Variants in ADARB2 observed in about 807,000 individuals in gnomAD.
The protein encoded by ADARB2 is inactive double-stranded RNA-specific editase B2.
ADARB2 carries 25 observed loss-of-function variants against 62.2 expected under a neutral mutation model. That is an observed-to-expected ratio of 0.40 (90% CI 0.29 to 0.56). The LOEUF is 0.56. Ranked by LOEUF, ADARB2 falls within the 20% of genes least tolerant of loss-of-function variation. The probability of loss-of-function intolerance (pLI) is 0.43; values close to 1 mark genes in which losing one functional copy is unlikely to be tolerated. For missense variants in ADARB2, 1,071 were observed against 1,077.4 expected, an observed-to-expected ratio of 0.99 and a Z score of 0.08; for synonymous variants, 572 against 500.8, an observed-to-expected ratio of 1.14 and a Z score of -1.90.
chr10:1,595,480 A>T (rs1299834252), intron 1 of ADARB2, among the ~76,000 whole-genome samples: 2 of 152,218 alleles, frequency 1.3e-5, no homozygotes, highest in Non-Finnish European at 1.5e-5. Flanking sequence ...TAGAAAAAAT[A>T]GTGTGGAGGG....
intron 1 of ADARB2, among the ~76,000 whole-genome samples, chr10:1,401,305 G>C (rs1270905395): frequency 6.6e-6 from 1 of 152,198 alleles, no homozygotes; most frequent in Non-Finnish European, 1.5e-5. Flanking sequence ...CGTGATGATG[G>C]TAAGCAGCAC....
chr10:1,605,635 T>C (rs1353185768), intron 1 of ADARB2, among the ~76,000 whole-genome samples: 2 of 152,220 alleles, frequency 1.3e-5, no homozygotes, highest in East Asian at 1.9e-4. Flanking sequence ...TTTATAACTA[T>C]TTTCTTAAAA....
chr10:1,424,931 AT>A (rs776862090), intron 1 of ADARB2, among the ~76,000 whole-genome samples: 5 of 152,146 alleles, frequency 3.3e-5, no homozygotes, highest in Non-Finnish European at 7.4e-5. Context: ...ATCAATTGTG[AT>A]TTTTTTGTAA....
At chr10:1,283,390 C>A (rs1283860440) in intron 3 of ADARB2, among the ~76,000 whole-genome samples, 12 of 152,204 alleles carry the variant, frequency 7.9e-5, no homozygotes, top group Non-Finnish European at 1.3e-4. Flanking sequence ...TAAGGGGCTG[C>A]AATGATCTCT....
At chr10:1,590,114 C>T (rs975611049) in intron 1 of ADARB2, among the ~76,000 whole-genome samples, 1 of 152,194 alleles carries the variant, frequency 6.6e-6, no homozygotes, top group Non-Finnish European at 1.5e-5. Context: ...ATGGTTGCTC[C>T]CAGCACCTCC....
chr10:1,230,199 C>T (rs1191205843), intron 6 of ADARB2, among the ~76,000 whole-genome samples: 1 of 152,214 alleles, frequency 6.6e-6, no homozygotes, highest in African/African-American at 2.4e-5. Flanking sequence ...GTGAGAATAA[C>T]ATCATGGCCC....
In ADARB2 at chr10:1,199,974, A is replaced by G; in HGVS notation, c.1856T>C (p.Leu619Pro). 6.4e-7 allele frequency: 1 copy of G among 1,554,982 alleles called. No homozygotes were observed. The highest frequency in any genetic ancestry group is 1.2e-5 in the South Asian group (1 of 84,398). Residue 619 changes from leucine (L) to proline (P), a missense_variant, in exon 8 of 10, where the codon CTC (leucine) becomes CCC (proline). By Grantham distance (98) the Leu-to-Pro change is moderately conservative. Transcript: ENST00000381312. ...GGGAAGGGGGTTCTTACCGCTGAGG[A>G]GAGGCCGGTTGTGCCGGTAGGAGGC... is the stretch of plus-strand genomic sequence containing the variant. ...LPASYRHNRP[L>P]LSGVSDAEAR...
intron 3 of ADARB2, among the ~76,000 whole-genome samples, chr10:1,326,692 G>A (rs1831849418): frequency 6.9e-6 from 1 of 144,946 alleles, no homozygotes; most frequent in Non-Finnish European, 1.5e-5. Context: ...ACAACACAGT[G>A]CCTCCTCACA....
In ADARB2 at chr10:1,179,259, CAAAAT is replaced by C. The variant is rs1473013365; in HGVS notation, c.*3929_*3933del. ...TGATAAGAAAAGCTCCCTGTGAAAA[CAAAAT>C]GAGATGGAGAAATATGATCTGTGTG... On this transcript the variant is annotated 3_prime_UTR_variant, in exon 10 of 10. Coordinates refer to ENST00000381312, the MANE Select transcript of ADARB2 (RefSeq NM_018702.4). 6.6e-6 allele frequency: 1 copy of C among 150,918 alleles called. No homozygotes were observed. Among genetic ancestry groups the C allele is most frequent in the African/African-American group, 2.4e-5 (1 of 41,004 alleles). The allele number at this position is 150,918 out of a possible 1,614,324, so 9.3% of individuals were successfully genotyped here.
chr10:1,546,991 G>A (rs1239240113), intron 1 of ADARB2, among the ~76,000 whole-genome samples: 1 of 152,212 alleles, frequency 6.6e-6, no homozygotes. Flanking sequence ...TGCATGTTAG[G>A]AACAGGTCAG....
intron 1 of ADARB2, among the ~76,000 whole-genome samples, chr10:1,412,875 C>A (rs923956475): frequency 6.6e-6 from 1 of 152,206 alleles, no homozygotes; most frequent in East Asian, 1.9e-4. Context: ...TAAGGAAATC[C>A]ACCCGCAGTG....
chr10:1,608,781 AAAG>A (rs1490635841), intron 1 of ADARB2, among the ~76,000 whole-genome samples: 18 of 150,642 alleles, frequency 1.2e-4, no homozygotes, highest in African/African-American at 4.2e-4. Flanking sequence ...AAAGAGAAAG[AAAG>A]AAAGAAAGAA....
At chr10:1,314,443 T>TCCC (rs1554753761) in intron 3 of ADARB2, among the ~76,000 whole-genome samples, 1 of 150,600 alleles carries the variant, frequency 6.6e-6, no homozygotes, top group African/African-American at 2.4e-5. Context: ...CAGCCAGTCC[T>TCCC]TCCTCCTCCT....
At chr10:1,234,411 C>T (rs139112649) in intron 5 of ADARB2, among the ~76,000 whole-genome samples, 11 of 152,260 alleles carry the variant, frequency 7.2e-5, no homozygotes, top group African/African-American at 2.4e-4. Context: ...CTTTCTTACC[C>T]CCGCCTTGAC....
intron 3 of ADARB2, among the ~76,000 whole-genome samples, chr10:1,320,472 C>G (rs1278117924): frequency 6.6e-6 from 1 of 152,228 alleles, no homozygotes; most frequent in Non-Finnish European, 1.5e-5. Context: ...GGCAAGACCT[C>G]AATTTCACGT....
chr10:1,599,236 A>G (rs759610465), intron 1 of ADARB2, among the ~76,000 whole-genome samples: 27 of 152,210 alleles, frequency 1.8e-4, no homozygotes, highest in Admixed American at 7.9e-4. Flanking sequence ...GGTGGAAACA[A>G]AGATGGAAAG....
At chr10:1,279,098 A>C (rs1361497217) in intron 3 of ADARB2, among the ~76,000 whole-genome samples, 2 of 152,242 alleles carry the variant, frequency 1.3e-5, no homozygotes, top group African/African-American at 4.8e-5. Flanking sequence ...CCGTAAAAGA[A>C]TACCATAGAC....
At chr10:1,705,159 G>A (rs752324692) in intron 1 of ADARB2, among the ~76,000 whole-genome samples, 2 of 152,186 alleles carry the variant, frequency 1.3e-5, no homozygotes, top group Non-Finnish European at 2.9e-5. Context: ...GCCTCAGAAT[G>A]GCTTAGACCC....
At chr10:1,408,014 C>T (rs976231495) in intron 1 of ADARB2, among the ~76,000 whole-genome samples, 2 of 152,156 alleles carry the variant, frequency 1.3e-5, no homozygotes, top group African/African-American at 4.8e-5. Context: ...TCACACACCC[C>T]ACCTTCCAAG....
Sources: gnomAD v4.1 joint callset for allele counts (sites outside exome capture counted in the v4.1 genomes callset) on GRCh38, gnomAD v4.1.1 for gene constraint, MANE v1.5 for transcripts, NCBI Gene and HGNC (gene_info 2026-07-23, HGNC 2026-07-21) for gene names.